Variants in TRAF3 observed in about 807,000 individuals in gnomAD.
TRAF3 encodes TNF receptor associated factor 3.
TRAF3 carries 13 observed loss-of-function variants against 62.3 expected under a neutral mutation model. The ratio of observed to expected loss-of-function variants is 0.21; its 90% CI spans 0.14 to 0.33. The LOEUF (loss-of-function observed/expected upper bound fraction) is 0.33, where lower values mean the gene tolerates loss of function less well. TRAF3 is among the 10% of genes least tolerant of loss of function. TRAF3 has a pLI of 1.00. For missense variants in TRAF3, 440 were observed against 741.8 expected (o/e 0.59, Z 4.73); for synonymous variants, 269 against 283.4 (o/e 0.95, Z 0.51).
At position 102,826,993 on chromosome 14, in the gene TRAF3, CG is replaced by C. The variant is rs1790965544; in HGVS notation, c.-156-3338del. Among the ~76,000 whole-genome samples the C allele has an allele frequency of 6.6e-6, 1 of 152,162 alleles. No homozygotes were observed. Among genetic ancestry groups the C allele is most frequent in the Admixed American group, 6.5e-5 (1 of 15,286 alleles). ...GTGGTGGCGGTGGCTGTACCTGCTC[CG>C]GGCTGCTGTGAGGGAGGGACGGGCT... On this transcript the variant is annotated intron_variant, in intron 1 of 11. Coordinates refer to ENST00000392745, the MANE Select transcript of TRAF3 (RefSeq NM_145725.3). This position sits in a 1 kb window ranked among gnomAD's most constrained non-coding sequence, Gnocchi z 4.6.
Position 102,909,286 on chromosome 14 carries a change from G to A in TRAF3, c.*3502G>A, listed in dbSNP as rs529323355. ...GTTCTGTCTCCTGAGCGCAAGCCTC[G>A]CCGGACCCCTGGGCGAAGGCCTGGA... On this transcript the variant is annotated 3_prime_UTR_variant, in exon 12 of 12. Transcript: ENST00000392745. 1.3e-5 allele frequency: 2 copies of A among 152,376 alleles called. No individual in the cohort carries two copies. Among genetic ancestry groups the A allele is most frequent in the South Asian group, 2.1e-4 (1 of 4,830 alleles). 9.4% of individuals were successfully genotyped at this position (152,376 alleles called of 1,614,324 possible). A position where few individuals can be genotyped will look rare whatever the true frequency, so the allele number is the denominator to read the frequency against.
At chr14:102,822,139 G>A (rs895452328) in intron 1 of TRAF3, among the ~76,000 whole-genome samples, 1 of 151,786 alleles carries the variant, frequency 6.6e-6, no homozygotes, top group South Asian at 2.1e-4. Flanking sequence ...TGTTTTCTTC[G>A]GGATTAAAAA....
intron 5 of TRAF3, 91 bp downstream of exon 5, chr14:102,875,819 T>TTTA (rs1482165026): frequency 2.0e-5 from 22 of 1,095,012 alleles, no homozygotes; most frequent in Non-Finnish European, 3.1e-5. Context: ...GATGTGGCAC[T>TTTA]TTAAGACCAT....
At chr14:102,859,374 A>G (rs1389223179) in intron 2 of TRAF3, among the ~76,000 whole-genome samples, 1 of 152,216 alleles carries the variant, frequency 6.6e-6, no homozygotes, top group Non-Finnish European at 1.5e-5. Context: ...TTAATTATGT[A>G]CTAGGTATGG....
At chr14:102,845,795 T>C (rs1051660990) in intron 2 of TRAF3, among the ~76,000 whole-genome samples, 18 of 151,612 alleles carry the variant, frequency 1.2e-4, no homozygotes, top group Non-Finnish European at 1.6e-4. Flanking sequence ...GGATTACAGG[T>C]GTGAGCCACT....
chr14:102,873,612 G>C (rs1265422166), intron 4 of TRAF3, among the ~76,000 whole-genome samples: 2 of 152,148 alleles, frequency 1.3e-5, no homozygotes, highest in East Asian at 3.9e-4. Context: ...TCTGGGCCCC[G>C]GGTGACCCGG....
intron 7 of TRAF3, among the ~76,000 whole-genome samples, chr14:102,887,208 A>T (rs1889443859): frequency 1.3e-5 from 2 of 152,204 alleles, no homozygotes; most frequent in African/African-American, 4.8e-5. Context: ...ATCTGGGGCT[A>T]CCCTGGGCTC....
rs1376440903 is a variant in TRAF3, at chr14:102,826,589, G to T, written c.-156-3745G>T. 6.6e-6 allele frequency among the ~76,000 whole-genome samples: 1 copy of T among 152,128 alleles called. No homozygotes were observed. The highest frequency in any genetic ancestry group is 1.9e-4 in the East Asian group (1 of 5,196). On this transcript the variant is annotated intron_variant, in intron 1 of 11. Transcript: ENST00000392745. This position sits in a 1 kb window ranked among gnomAD's most constrained non-coding sequence, Gnocchi z 4.6. ...GTAGCCAGAGACAAGGCAAAGAAGG[G>T]CCATTTTCATCAGAGAACAGCATAA... is the stretch of plus-strand genomic sequence containing the variant.
intron 1 of TRAF3, among the ~76,000 whole-genome samples, chr14:102,800,501 G>A (rs1898330644): frequency 6.6e-6 from 1 of 152,172 alleles, no homozygotes; most frequent in African/African-American, 2.4e-5. Flanking sequence ...TAAAGTGAGT[G>A]CGATGGTGCA....
chr14:102,797,225 T>G (rs1898142676), intron 1 of TRAF3, among the ~76,000 whole-genome samples: 2 of 152,204 alleles, frequency 1.3e-5, no homozygotes, highest in Non-Finnish European at 2.9e-5. Context: ...CTTAAGCTTC[T>G]TAGGAACTGC....
Position 102,886,069 on chromosome 14 carries a change from A to G in TRAF3, c.571-120A>G, listed in dbSNP as rs1022573698. The G allele has an allele frequency of 3.6e-6, 3 of 833,632 alleles. No homozygotes were observed. In the African/African-American group the frequency reaches 5.1e-5, roughly 14 times the overall value. The allele number at this position is 833,632 out of a possible 1,614,324, so 51.6% of individuals were successfully genotyped here. A position where few individuals can be genotyped will look rare whatever the true frequency, so the allele number is the denominator to read the frequency against. On this transcript the variant is annotated intron_variant, in intron 6 of 11. Transcript: ENST00000392745. The stretch of plus-strand genomic sequence containing the variant: ...CTCAGCCATACGTAATGTGAGTGCC[A>G]TAACTTAGAGGACAGCGATGGTGAG...
At chr14:102,868,274 C>T (rs934118028) in intron 2 of TRAF3, among the ~76,000 whole-genome samples, 48 of 152,186 alleles carry the variant, frequency 3.2e-4, no homozygotes, top group African/African-American at 1.1e-3. Context: ...AAACTCTACA[C>T]AAGAAAAATC....
intron 6 of TRAF3, among the ~76,000 whole-genome samples, chr14:102,879,368 G>C (rs1407028660): frequency 6.6e-6 from 1 of 152,082 alleles, no homozygotes. Context: ...TTTCTCCCAG[G>C]TTCAAGTGAT....
chr14:102,801,144 C>T (rs1428186008), intron 1 of TRAF3, among the ~76,000 whole-genome samples: 2 of 152,174 alleles, frequency 1.3e-5, no homozygotes, highest in Non-Finnish European at 2.9e-5. Flanking sequence ...CCCGCCTGGG[C>T]GACAGAACGA....
In TRAF3 at chr14:102,903,294, G is replaced by A. The variant is rs1481082601; in HGVS notation, c.1000G>A (p.Asp334Asn). The change falls in exon 11 of 12, where the codon GAC becomes AAC. Residue 334 changes from aspartate (D) to asparagine (N), a missense_variant. Physicochemically the swap from Asp to Asn is conservative, Grantham distance 23 (BLOSUM62 1). Around this residue, in one of 6 missense-constraint regions of TRAF3, gnomAD observed 255 missense variants for 424.1 expected, o/e 0.60. Coordinates refer to ENST00000392745, the MANE Select transcript of TRAF3 (RefSeq NM_145725.3). The surrounding 1 kb of genome is among the most constrained non-coding windows in gnomAD (Gnocchi z 6.4). The part of the protein sequence containing the change: ...DSQAEKLKEL[D>N]KEIRPFRQNW... Reference sequence around the variant, plus strand: ...CCAAGCAGAGAAACTGAAGGAGCTTGACAAGGAGATCCGGCCCTTCCGGCA... The same window carrying A: ...CCAAGCAGAGAAACTGAAGGAGCTTAACAAGGAGATCCGGCCCTTCCGGCA... 6.2e-7 allele frequency: 1 copy of A among 1,614,112 alleles called. No homozygotes were observed. Among genetic ancestry groups the A allele is most frequent in the African/African-American group, 1.3e-5 (1 of 74,946 alleles).
At chr14:102,796,146 G>T (rs577400642) in intron 1 of TRAF3, among the ~76,000 whole-genome samples, 40 of 152,362 alleles carry the variant, frequency 2.6e-4, no homozygotes, top group African/African-American at 9.4e-4. Context: ...GAACCCGGGA[G>T]GTGGAGGTTG....
At chr14:102,787,730 G>T (rs1273428695) in intron 1 of TRAF3, among the ~76,000 whole-genome samples, 1 of 150,574 alleles carries the variant, frequency 6.6e-6, no homozygotes, top group Non-Finnish European at 1.5e-5. Context: ...TCAGGCCTCT[G>T]TTCACATTTT....
intron 1 of TRAF3, among the ~76,000 whole-genome samples, chr14:102,820,038 G>T (rs909401861): frequency 6.6e-6 from 1 of 151,430 alleles, no homozygotes; most frequent in African/African-American, 2.4e-5. Flanking sequence ...CGTGTAGGGG[G>T]TGGGTGGTCA....
chr14:102,887,216 C>T (rs1889444723), intron 7 of TRAF3, among the ~76,000 whole-genome samples: 1 of 152,242 alleles, frequency 6.6e-6, no homozygotes, highest in Non-Finnish European at 1.5e-5. Flanking sequence ...CTACCCTGGG[C>T]TCCCTGGATG....
Sources: gnomAD v4.1 joint callset for allele counts (sites outside exome capture counted in the v4.1 genomes callset) on GRCh38, gnomAD v4.1.1 for gene constraint, gnomAD v4.1.1 regional missense constraint, Gnocchi (gnomAD v3.1) non-coding constraint, MANE v1.5 for transcripts, NCBI Gene and HGNC (gene_info 2026-07-23, HGNC 2026-07-21) for gene names.